ENTHD1: variants seen among roughly 807,000 people sequenced by gnomAD.
The protein encoded by ENTHD1 is ENTH domain containing 1.
In ENTHD1, 23 loss-of-function variants were observed where a neutral mutation model predicts 39.1. That is an observed-to-expected ratio of 0.59 (90% CI 0.42 to 0.83). The LOEUF (loss-of-function observed/expected upper bound fraction) is 0.83. ENTHD1 is among the 40% of genes least tolerant of loss of function. The pLI, the probability that ENTHD1 is intolerant of heterozygous loss-of-function variation, is 0.00. For missense variants in ENTHD1, 624 were observed against 705.4 expected (o/e 0.88, Z 1.31); for synonymous variants, 230 against 258.2 (o/e 0.89, Z 1.05).
chr22:39,784,398 A>G (rs1458693249), intron 5 of ENTHD1, among the ~76,000 whole-genome samples: 1 of 152,196 alleles, frequency 6.6e-6, no homozygotes, highest in Admixed American at 6.5e-5. Flanking sequence ...ACTACTGAGT[A>G]TATAACCAAA....
intron 2 of ENTHD1, among the ~76,000 whole-genome samples, chr22:39,865,613 G>A (rs2066175982): frequency 6.6e-6 from 1 of 152,166 alleles, no homozygotes; most frequent in African/African-American, 2.4e-5. Flanking sequence ...GGAGTTGGAA[G>A]TAGAAAACAT....
intron 6 of ENTHD1, among the ~76,000 whole-genome samples, chr22:39,753,938 C>G (rs1248908857): frequency 6.6e-6 from 1 of 152,216 alleles, no homozygotes; most frequent in East Asian, 1.9e-4. Context: ...TTCTCCCACT[C>G]TATCAACGCC....
At chr22:39,809,883 G>A (rs900791924) in intron 5 of ENTHD1, among the ~76,000 whole-genome samples, 3 of 152,208 alleles carry the variant, frequency 2.0e-5, no homozygotes, top group African/African-American at 7.2e-5. Context: ...CAGGGATGCC[G>A]TGGTATCCAT....
chr22:39,780,661 G>T (rs2065402005), intron 5 of ENTHD1, among the ~76,000 whole-genome samples: 1 of 152,122 alleles, frequency 6.6e-6, no homozygotes, highest in Admixed American at 6.5e-5. Flanking sequence ...GGTCAATTCA[G>T]CAAGAGGATA....
intron 4 of ENTHD1, among the ~76,000 whole-genome samples, chr22:39,833,519 C>T (rs1007583588): frequency 5.9e-5 from 9 of 151,600 alleles, no homozygotes; most frequent in African/African-American, 2.2e-4. Context: ...AAAGAAGAAA[C>T]ATAAATACTG....
intron 5 of ENTHD1, among the ~76,000 whole-genome samples, chr22:39,819,382 A>C (rs2065760991): frequency 1.5e-5 from 2 of 130,166 alleles, no homozygotes; most frequent in Non-Finnish European, 3.5e-5. Flanking sequence ...AAACAAAAAC[A>C]AAAAAAGAAA....
chr22:39,769,917 AT>A (rs1166549221), intron 5 of ENTHD1, among the ~76,000 whole-genome samples: 1 of 152,196 alleles, frequency 6.6e-6, no homozygotes, highest in Non-Finnish European at 1.5e-5. Flanking sequence ...ATGGAAACTG[AT>A]TCTCACAACA....
chr22:39,809,210 A>G (rs570864086), intron 5 of ENTHD1, among the ~76,000 whole-genome samples: 65 of 152,360 alleles, frequency 4.3e-4, no homozygotes, highest in Non-Finnish European at 6.9e-4. Flanking sequence ...ATATACCTAG[A>G]AGCAGCCAAA....
rs776199454 is a variant in ENTHD1, at chr22:39,849,010, C to A, written c.592+12755G>T. Reference sequence around the variant, plus strand: ...ATGCCACTTCTGTCATTTACTGATTCCATAGTGGCCCAGGTCTGTTTTCTA... The same window carrying A: ...ATGCCACTTCTGTCATTTACTGATTACATAGTGGCCCAGGTCTGTTTTCTA... On this transcript the variant is annotated intron_variant, in intron 3 of 6. Coordinates refer to ENST00000325157, the MANE Select transcript of ENTHD1 (RefSeq NM_152512.4). Among the ~76,000 whole-genome samples the A allele has an allele frequency of 5.9e-4, 90 of 152,228 alleles. 2 individuals are homozygous for A. In the Middle Eastern group the frequency reaches 0.01, roughly 17 times the overall value.
chr22:39,771,507 A>G (rs2065324423), intron 5 of ENTHD1, among the ~76,000 whole-genome samples: 1 of 152,186 alleles, frequency 6.6e-6, no homozygotes, highest in African/African-American at 2.4e-5. Context: ...ACAAACAAAA[A>G]AACTCAGAGA....
chr22:39,785,036 T>C (rs2065443531), intron 5 of ENTHD1, among the ~76,000 whole-genome samples: 1 of 152,194 alleles, frequency 6.6e-6, no homozygotes. Context: ...CACATGTGCC[T>C]TGAAACTGTG....
intron 5 of ENTHD1, among the ~76,000 whole-genome samples, chr22:39,790,766 C>A (rs2065497545): frequency 1.3e-5 from 2 of 152,192 alleles, no homozygotes; most frequent in African/African-American, 4.8e-5. Flanking sequence ...TTCCAGGGAA[C>A]CTATTTCAAA....
At chr22:39,875,858 G>T (rs2066284992) in intron 2 of ENTHD1, 1 of 1,613,866 alleles carries the variant, frequency 6.2e-7, no homozygotes, top group Non-Finnish European at 8.5e-7. Flanking sequence ...GGAAGCTGCA[G>T]TTGAATTATC....
rs13340079 is a variant in ENTHD1, at chr22:39,867,355, T to C, written c.350-5348A>G. Reference sequence around the variant, plus strand: ...ACACGTGCTAGGCTTCAAACAATCGTAAAAATCTTAATACTCCTGTCTCTA... The same window carrying C: ...ACACGTGCTAGGCTTCAAACAATCGCAAAAATCTTAATACTCCTGTCTCTA... On this transcript the variant is annotated intron_variant, in intron 2 of 6. Transcript: ENST00000325157. The surrounding 1 kb of genome is among the most constrained non-coding windows in gnomAD (Gnocchi z 4.5). 0.1 allele frequency among the ~76,000 whole-genome samples: 15,583 copies of C among 151,868 alleles called. 926 individuals are homozygous for C. Among genetic ancestry groups the C allele is most frequent in the Middle Eastern group, 0.13 (39 of 294 alleles).
chr22:39,860,002 G>GT (rs979667960), intron 3 of ENTHD1, among the ~76,000 whole-genome samples: 3 of 152,014 alleles, frequency 2.0e-5, no homozygotes, highest in Non-Finnish European at 4.4e-5. Context: ...CTCTCATTAC[G>GT]TGACCTAAAA....
At chr22:39,831,769 T>C (rs1416402839) in intron 4 of ENTHD1, among the ~76,000 whole-genome samples, 1 of 151,910 alleles carries the variant, frequency 6.6e-6, no homozygotes, top group East Asian at 1.9e-4. Flanking sequence ...GAGGTTGCAG[T>C]GAGCCGAGAT....
intron 5 of ENTHD1, among the ~76,000 whole-genome samples, chr22:39,801,834 T>A (rs1032806568): frequency 2.0e-5 from 3 of 152,096 alleles, no homozygotes; most frequent in African/African-American, 7.2e-5. Flanking sequence ...AATGAAAGGT[T>A]CAGATTTCTA....
chr22:39,891,884 T>C (rs1019894759), intron 1 of ENTHD1, among the ~76,000 whole-genome samples: 1 of 152,016 alleles, frequency 6.6e-6, no homozygotes, highest in African/African-American at 2.4e-5. Context: ...CCTCCCAGAG[T>C]GCTGGGATTA....
chr22:39,772,744 T>TA (rs1427434748), intron 5 of ENTHD1, among the ~76,000 whole-genome samples: 1 of 152,000 alleles, frequency 6.6e-6, no homozygotes, highest in Non-Finnish European at 1.5e-5. Context: ...AGACACCCTA[T>TA]AAAAACAAAA....
Sources: gnomAD v4.1 joint callset for allele counts (sites outside exome capture counted in the v4.1 genomes callset) on GRCh38, gnomAD v4.1.1 for gene constraint, Gnocchi (gnomAD v3.1) non-coding constraint, MANE v1.5 for transcripts, NCBI Gene and HGNC (gene_info 2026-07-23, HGNC 2026-07-21) for gene names.